Variants in CHD7 observed in about 807,000 individuals in gnomAD.
The protein encoded by CHD7 is ATP-dependent chromatin remodeler CHD7.
A neutral mutation model predicts 307.3 loss-of-function variants in CHD7; 24 were observed. The ratio of observed to expected loss-of-function variants is 0.08; its 90% CI spans 0.06 to 0.11. The LOEUF (loss-of-function observed/expected upper bound fraction) is 0.11, where lower values mean the gene tolerates loss of function less well. CHD7 is among the 10% of genes least tolerant of loss of function. The pLI is 1.00. For missense variants in CHD7, 3,106 were observed against 3,727.1 expected (o/e 0.83, Z 4.34); for synonymous variants, 1,363 against 1,349.9 (o/e 1.01, Z -0.21).
intron 1 of CHD7, among the ~76,000 whole-genome samples, chr8:60,730,836 G>C (rs906062762): frequency 6.6e-6 from 1 of 150,452 alleles, no homozygotes; most frequent in African/African-American, 2.4e-5. Flanking sequence ...CTCCAGCCTG[G>C]GCGACAGAGC....
At chr8:60,863,557 A>G (rs1014625276) in intron 37 of CHD7, 1 of 152,178 alleles carries the variant, frequency 6.6e-6, no homozygotes, top group East Asian at 1.9e-4. Flanking sequence ...TGGTGTGAAC[A>G]TAAGTTTTCA....
At chr8:60,773,163 C>G (rs908974019) in intron 2 of CHD7, among the ~76,000 whole-genome samples, 4 of 152,344 alleles carry the variant, frequency 2.6e-5, no homozygotes, top group African/African-American at 4.8e-5. Flanking sequence ...GGGGGGTACC[C>G]CTCTGCTTGT....
chr8:60,683,351 C>G (rs946018774), intron 1 of CHD7, among the ~76,000 whole-genome samples: 13 of 152,152 alleles, frequency 8.5e-5, no homozygotes, highest in Non-Finnish European at 1.5e-4. Context: ...GGGTATCACT[C>G]AGGTTGCAGT....
chr8:60,809,102 C>T (rs927465951), intron 7 of CHD7, among the ~76,000 whole-genome samples: 2 of 152,116 alleles, frequency 1.3e-5, no homozygotes, highest in Non-Finnish European at 2.9e-5. Flanking sequence ...TTTACCCCAC[C>T]CTAGAAAATG....
At chr8:60,680,108 C>A (rs951021639) in intron 1 of CHD7, among the ~76,000 whole-genome samples, 1 of 151,738 alleles carries the variant, frequency 6.6e-6, no homozygotes, top group Non-Finnish European at 1.5e-5. Context: ...CCCCCGCCCC[C>A]CAACCCGCCG....
intron 1 of CHD7, among the ~76,000 whole-genome samples, chr8:60,734,334 G>T (rs1808599280): frequency 6.6e-6 from 1 of 152,168 alleles, no homozygotes; most frequent in Admixed American, 6.5e-5. Context: ...TCTCTTACCA[G>T]CTCCCGGGGG....
rs147643349 is a variant in CHD7, at chr8:60,683,658, T to C, written c.-175+4576T>C. 1.9e-4 allele frequency among the ~76,000 whole-genome samples: 29 copies of C among 152,360 alleles called. No homozygotes were observed. In the East Asian group the frequency reaches 5.6e-3, roughly 29 times the overall value. ...AGAAACTAAAGTCCAGAGAGATTAA[T>C]TAAATGAACTGCCTCTGACTGGCCA... On this transcript the variant is annotated intron_variant, in intron 1 of 37. Transcript: ENST00000423902.
intron 15 of CHD7, 76 bp from the exon 16 acceptor site, chr8:60,835,997 T>C (rs1387159990): frequency 9.0e-7 from 1 of 1,108,640 alleles, no homozygotes; most frequent in African/African-American, 1.6e-5. Flanking sequence ...TTGCAATGGG[T>C]TTTGAAAGCA....
intron 2 of CHD7, among the ~76,000 whole-genome samples, chr8:60,750,938 C>T (rs373286889): frequency 4.6e-5 from 7 of 152,140 alleles, no homozygotes; most frequent in East Asian, 1.9e-4. Flanking sequence ...GAAGTAGTAG[C>T]GGTGTTTTTA....
intron 1 of CHD7, among the ~76,000 whole-genome samples, chr8:60,714,932 T>C (rs1006776037): frequency 2.0e-5 from 3 of 152,186 alleles, no homozygotes; most frequent in African/African-American, 7.2e-5. Context: ...CGGTGGAGCA[T>C]GAGGGCGCAG....
intron 34 of CHD7, 84 bp downstream of exon 34, chr8:60,856,972 T>G: frequency 8.0e-7 from 1 of 1,248,638 alleles, no homozygotes; most frequent in Non-Finnish European, 1.1e-6. Context: ...GGGCTGTGTT[T>G]CTCTCAGCAG....
chr8:60,832,522 G>T (rs140892172), intron 15 of CHD7, among the ~76,000 whole-genome samples: 111 of 152,310 alleles, frequency 7.3e-4, no homozygotes, highest in Non-Finnish European at 1.4e-3. Context: ...ATGAGGACAC[G>T]TGTGTGCATG....
intron 33 of CHD7, 77 bp downstream of exon 33, chr8:60,856,279 C>T (rs1805704055): frequency 7.7e-7 from 1 of 1,301,474 alleles, no homozygotes; most frequent in Non-Finnish European, 1.0e-6. Flanking sequence ...GCTTATATTT[C>T]ACTGGCCTTG....
chr8:60,818,674 A>G (rs890725600), intron 8 of CHD7, among the ~76,000 whole-genome samples: 1 of 152,060 alleles, frequency 6.6e-6, no homozygotes, highest in African/African-American at 2.4e-5. Context: ...TTCATAATTC[A>G]TGGTTCAAAG....
At chr8:60,753,021 C>T (rs373830440) in intron 2 of CHD7, among the ~76,000 whole-genome samples, 1 of 152,158 alleles carries the variant, frequency 6.6e-6, no homozygotes, top group Non-Finnish European at 1.5e-5. Flanking sequence ...TTTAAATTGG[C>T]CCATTACTAA....
intron 1 of CHD7, among the ~76,000 whole-genome samples, chr8:60,732,209 A>G (rs1252724172): frequency 2.6e-5 from 4 of 151,972 alleles, no homozygotes; most frequent in Non-Finnish European, 5.9e-5. Flanking sequence ...ACACTTTTAA[A>G]CTCCCCCAGA....
Position 60,866,772 on chromosome 8 carries a change from ATTGT to A in CHD7, c.*842_*845del, listed in dbSNP as rs1311672644. 4.6e-5 allele frequency: 7 copies of A among 152,622 alleles called. No homozygotes were observed. The highest frequency in any genetic ancestry group is 1.0e-4 in the Non-Finnish European group (7 of 68,020). 9.5% of individuals were successfully genotyped at this position (152,622 alleles called of 1,614,324 possible). ...TTTACAGACATGACTTTGTAAATGTATTGTTTTTCTTTGTTGTGATGTCCTTTTA... is the reference window on the plus strand; with the variant it reads ...TTTACAGACATGACTTTGTAAATGTATTTTCTTTGTTGTGATGTCCTTTTA... On this transcript the variant is annotated 3_prime_UTR_variant, in exon 38 of 38. Coordinates refer to ENST00000423902, the MANE Select transcript of CHD7 (RefSeq NM_017780.4).
At chr8:60,802,278 C>G (rs1812348883) in intron 6 of CHD7, among the ~76,000 whole-genome samples, 1 of 152,136 alleles carries the variant, frequency 6.6e-6, no homozygotes, top group Admixed American at 6.5e-5. Flanking sequence ...GATGAAAATT[C>G]CCTGTTTTAG....
rs931199632 is a variant in CHD7, at chr8:60,820,947, C to G, written c.2698-843C>G. On this transcript the variant is annotated intron_variant, in intron 9 of 37. Coordinates refer to ENST00000423902, the MANE Select transcript of CHD7 (RefSeq NM_017780.4). ...TCACATCACAACTAGGTCAGTGTTC[C>G]TTGGTCCTGAAATGAAGGTCAACAA... Among the ~76,000 whole-genome samples, 24 of 152,094 alleles carry G rather than the reference C, an allele frequency of 1.6e-4. 1 individual carries two copies.
Sources: allele counts gnomAD v4.1 joint callset (sites outside exome capture counted in the v4.1 genomes callset), GRCh38; gene constraint gnomAD v4.1.1; transcripts MANE v1.5; gene names NCBI Gene and HGNC (gene_info 2026-07-23, HGNC 2026-07-21).